Variants in LINGO1 observed in about 807,000 individuals in gnomAD.
LINGO1 encodes leucine rich repeat and Ig domain containing 1.
LINGO1 carries 11 observed loss-of-function variants against 37.3 expected under a neutral mutation model. The observed-to-expected ratio is 0.29, with a 90% CI of 0.19 to 0.49. The LOEUF is 0.49. Among genes scored for constraint, LINGO1 ranks in the 20% least tolerant of loss-of-function variants. LINGO1 has a pLI of 0.99. For synonymous variants in LINGO1, 387 were observed against 403.0 expected, an observed-to-expected ratio of 0.96 and a Z score of 0.48; for missense variants, 585 against 878.2, an observed-to-expected ratio of 0.67 and a Z score of 4.22.
chr15:77,813,264 C>G (rs1388914079), intron 1 of LINGO1, among the ~76,000 whole-genome samples: 1 of 151,984 alleles, frequency 6.6e-6, no homozygotes, highest in Non-Finnish European at 1.5e-5. Flanking sequence ...TTGGGCTAAG[C>G]CTTAAAAAGT....
chr15:77,629,905 A>G (rs575292657), intron 1 of LINGO1, among the ~76,000 whole-genome samples: 1 of 152,232 alleles, frequency 6.6e-6, no homozygotes, highest in African/African-American at 2.4e-5. Context: ...AATGACTTGA[A>G]GCAGGCAGAG....
At chr15:77,713,268 G>T (rs1413474643) in intron 2 of LINGO1, among the ~76,000 whole-genome samples, 2 of 147,850 alleles carry the variant, frequency 1.4e-5, no homozygotes, top group Admixed American at 1.4e-4. Context: ...TGTAGAGACA[G>T]GGTTTCACCA....
intron 3 of LINGO1, among the ~76,000 whole-genome samples, chr15:77,663,223 A>G (rs2075037338): frequency 6.6e-6 from 1 of 152,180 alleles, no homozygotes; most frequent in Admixed American, 6.5e-5. Context: ...GTGCTGGGTC[A>G]CCTAGAACTG....
chr15:77,741,746 T>C (rs972035976), intron 1 of LINGO1, among the ~76,000 whole-genome samples: 1 of 152,202 alleles, frequency 6.6e-6, no homozygotes, highest in Admixed American at 6.5e-5. Flanking sequence ...TCAGGTACAG[T>C]TGGAGGTAAA....
chr15:77,712,210 C>G (rs2141294326), intron 2 of LINGO1, among the ~76,000 whole-genome samples: 1 of 152,264 alleles, frequency 6.6e-6, no homozygotes, highest in East Asian at 1.9e-4. Flanking sequence ...GCCTCTATCC[C>G]AGGCCACACC....
intron 3 of LINGO1, among the ~76,000 whole-genome samples, chr15:77,661,909 G>C (rs2075002456): frequency 6.6e-6 from 1 of 152,200 alleles, no homozygotes; most frequent in African/African-American, 2.4e-5. Flanking sequence ...CTGGAGGAGA[G>C]GATGCTGTCT....
At chr15:77,692,791 C>T (rs2141254263) in intron 1 of LINGO1, among the ~76,000 whole-genome samples, 1 of 152,356 alleles carries the variant, frequency 6.6e-6, no homozygotes, top group Admixed American at 6.5e-5. Context: ...GCCTGCAGTG[C>T]TCCAGCCGCC....
intron 1 of LINGO1, among the ~76,000 whole-genome samples, chr15:77,818,189 C>T (rs1324866434): frequency 6.6e-6 from 1 of 152,150 alleles, no homozygotes; most frequent in African/African-American, 2.4e-5. Context: ...AAAACCTGCC[C>T]TGGAAACAAG....
intron 3 of LINGO1, among the ~76,000 whole-genome samples, chr15:77,643,948 C>A (rs941269485): frequency 3.9e-5 from 6 of 152,210 alleles, no homozygotes; most frequent in Non-Finnish European, 8.8e-5. Flanking sequence ...AGTCCCTCCC[C>A]GCTCCGCCCT....
chr15:77,683,749 G>A (rs898526118), intron 2 of LINGO1, among the ~76,000 whole-genome samples: 2 of 152,022 alleles, frequency 1.3e-5, no homozygotes, highest in Non-Finnish European at 2.9e-5. Flanking sequence ...GGCTTTAAAG[G>A]CAAAGAGGGA....
At chr15:77,647,888 A>T (rs2074671174) in intron 3 of LINGO1, 1 of 456,386 alleles carries the variant, frequency 2.2e-6, no homozygotes, top group Non-Finnish European at 4.4e-6. Flanking sequence ...CAGAGGAAAT[A>T]TTTTTCTGGC....
At chr15:77,686,276 G>A (rs1397103455) in intron 2 of LINGO1, among the ~76,000 whole-genome samples, 2 of 152,082 alleles carry the variant, frequency 1.3e-5, no homozygotes, top group East Asian at 3.9e-4. Context: ...CACCAGCCCT[G>A]GATGCCAGGC....
intron 2 of LINGO1, among the ~76,000 whole-genome samples, chr15:77,714,264 G>A (rs2075956425): frequency 6.6e-6 from 1 of 151,772 alleles, no homozygotes; most frequent in Admixed American, 6.6e-5. Flanking sequence ...CCATCACCAT[G>A]GTTACCATTT....
intron 3 of LINGO1, among the ~76,000 whole-genome samples, chr15:77,674,435 C>A (rs564702158): frequency 6.6e-6 from 1 of 152,208 alleles, no homozygotes. Context: ...TTCCCCACTT[C>A]ATTTTGGGTA....
At chr15:77,819,846 C>G (rs1162269366) in intron 1 of LINGO1, among the ~76,000 whole-genome samples, 1 of 151,430 alleles carries the variant, frequency 6.6e-6, no homozygotes, top group East Asian at 2.0e-4. Flanking sequence ...CGCACTCCCG[C>G]GGGAAGCGCC....
rs377031717 is a variant in LINGO1, at chr15:77,672,511, CAG to C, written c.-13+4576_-13+4577del. Among the ~76,000 whole-genome samples, 990 of 152,238 alleles carry C rather than the reference CAG, an allele frequency of 6.5e-3. 9 individuals carry two copies. Among genetic ancestry groups the C allele is most frequent in the African/African-American group, 0.023 (937 of 41,522 alleles). ...CAGGCAGGGATGCAGAGTGGGGTGT[CAG>C]GGGGCGCTCTGTGCCTGGAGACCTT... On this transcript the variant is annotated intron_variant, in intron 3 of 3. Transcript: ENST00000559893.
At chr15:77,741,320 G>A (rs1185581854) in intron 1 of LINGO1, among the ~76,000 whole-genome samples, 2 of 152,120 alleles carry the variant, frequency 1.3e-5, no homozygotes, top group African/African-American at 2.4e-5. Flanking sequence ...ACCAACCCCC[G>A]CCCCACCCAC....
chr15:77,613,911 G>T lies in LINGO1; in HGVS notation c.*133C>A. On this transcript the variant is annotated 3_prime_UTR_variant, in exon 2 of 2. Transcript: ENST00000355300. Reference sequence around the variant, plus strand: ...GGGCTGGCGGGGGGCAGCAGGGGACGGAGGCGGGAGGGAGAAAGAGAACGT... The same window carrying T: ...GGGCTGGCGGGGGGCAGCAGGGGACTGAGGCGGGAGGGAGAAAGAGAACGT... The T allele has an allele frequency of 1.3e-6, 1 of 774,240 alleles. No individual in the cohort carries two copies. Among genetic ancestry groups the T allele is most frequent in the South Asian group, 1.8e-5 (1 of 54,252 alleles). The allele number at this position is 774,240 out of a possible 1,614,324, so 48.0% of individuals were successfully genotyped here.
At chr15:77,798,903 C>A (rs1385659174) in intron 1 of LINGO1, among the ~76,000 whole-genome samples, 1 of 152,020 alleles carries the variant, frequency 6.6e-6, no homozygotes, top group East Asian at 1.9e-4. Context: ...GGGGCTGGCA[C>A]CCGGTACACA....
Sources: allele counts gnomAD v4.1 joint callset (sites outside exome capture counted in the v4.1 genomes callset), GRCh38; gene constraint gnomAD v4.1.1; transcripts MANE v1.5; gene names NCBI Gene and HGNC (gene_info 2026-07-23, HGNC 2026-07-21).